Variants in PRTFDC1 observed in about 807,000 individuals in gnomAD.
PRTFDC1 encodes the protein phosphoribosyl transferase domain containing 1.
PRTFDC1 carries 38 observed loss-of-function variants against 34.6 expected under a neutral mutation model. The observed-to-expected ratio is 1.10, with a 90% CI of 0.85 to 1.44. PRTFDC1 has a LOEUF of 1.44. Ranked by LOEUF, PRTFDC1 falls within the 40% of genes most tolerant of loss-of-function variation. The pLI, the probability that PRTFDC1 is intolerant of heterozygous loss-of-function variation, is 0.00. For synonymous variants in PRTFDC1, 93 were observed against 98.1 expected (o/e 0.95, Z 0.31); for missense variants, 270 against 283.0 (o/e 0.95, Z 0.33).
chr10:24,869,108 G>T (rs1375153577), intron 4 of PRTFDC1, among the ~76,000 whole-genome samples: 1 of 152,076 alleles, frequency 6.6e-6, no homozygotes, highest in Non-Finnish European at 1.5e-5. Flanking sequence ...GCTCTACATT[G>T]CCATTGAATA....
chr10:24,926,169 C>G (rs1291542956), intron 3 of PRTFDC1, among the ~76,000 whole-genome samples: 1 of 152,144 alleles, frequency 6.6e-6, no homozygotes, highest in Non-Finnish European at 1.5e-5. Context: ...TCTTGGGAAC[C>G]CAGCTAACCC....
chr10:24,911,180 A>T (rs1297374479), intron 3 of PRTFDC1, among the ~76,000 whole-genome samples: 1 of 152,212 alleles, frequency 6.6e-6, no homozygotes, highest in Non-Finnish European at 1.5e-5. Flanking sequence ...TACAGTCATG[A>T]TGTAGAATAA....
At chr10:24,878,175 AGGT>A (rs951924458) in intron 3 of PRTFDC1, among the ~76,000 whole-genome samples, 2 of 151,908 alleles carry the variant, frequency 1.3e-5, no homozygotes, top group African/African-American at 4.8e-5. Context: ...CAGGAGGCTG[AGGT>A]GGGAGAATCG....
chr10:24,870,838 G>A (rs1034541643), intron 4 of PRTFDC1, among the ~76,000 whole-genome samples: 13 of 152,156 alleles, frequency 8.5e-5, no homozygotes, highest in African/African-American at 2.9e-4. Flanking sequence ...TTGGGCAGCC[G>A]AAACAGGTGG....
intron 1 of PRTFDC1, among the ~76,000 whole-genome samples, chr10:24,944,361 A>G (rs274299): frequency 0.46 from 69,958 of 151,900 alleles, 17,011 homozygotes; most frequent in African/African-American, 0.63. Context: ...CTCCACTGCT[A>G]TTCCCCCACC....
chr10:24,926,628 C>A (rs547739371), intron 3 of PRTFDC1, among the ~76,000 whole-genome samples: 37 of 152,358 alleles, frequency 2.4e-4, no homozygotes, highest in African/African-American at 8.7e-4. Context: ...GGATTACAGG[C>A]ATGAGCCACT....
chr10:24,946,405 A>G (rs182958083), intron 1 of PRTFDC1, among the ~76,000 whole-genome samples: 35 of 152,310 alleles, frequency 2.3e-4, no homozygotes, highest in African/African-American at 8.4e-4. Context: ...AAAAAAGGAA[A>G]CAGACTAAAA....
At chr10:24,949,436 AG>A (rs1233516810) in intron 1 of PRTFDC1, among the ~76,000 whole-genome samples, 1 of 152,150 alleles carries the variant, frequency 6.6e-6, no homozygotes, top group African/African-American at 2.4e-5. Flanking sequence ...CCCATCCTTG[AG>A]AGCTTTCTAT....
At chr10:24,921,524 T>A (rs1848787713) in intron 3 of PRTFDC1, among the ~76,000 whole-genome samples, 1 of 152,098 alleles carries the variant, frequency 6.6e-6, no homozygotes, top group Non-Finnish European at 1.5e-5. Context: ...TTAGCAAAAG[T>A]ACTGCTGACT....
intron 3 of PRTFDC1, among the ~76,000 whole-genome samples, chr10:24,890,636 C>G (rs751865161): frequency 6.6e-6 from 1 of 152,152 alleles, no homozygotes; most frequent in African/African-American, 2.4e-5. Context: ...GAAGAGGGAA[C>G]AGGAGGGAGG....
intron 2 of PRTFDC1, among the ~76,000 whole-genome samples, chr10:24,940,949 G>A (rs918604483): frequency 6.6e-6 from 1 of 152,112 alleles, no homozygotes; most frequent in Non-Finnish European, 1.5e-5. Context: ...TGGTGCTGAT[G>A]GTTGCCTGAC....
chr10:24,908,527 C>G, intron 3 of PRTFDC1: 1 of 1,612,674 alleles, frequency 6.2e-7, no homozygotes, highest in Non-Finnish European at 8.5e-7. Flanking sequence ...ATCTTGGTAA[C>G]TGAAACCGGA....
At chr10:24,865,698 A>T (rs1275527278) in intron 4 of PRTFDC1, among the ~76,000 whole-genome samples, 1 of 152,234 alleles carries the variant, frequency 6.6e-6, no homozygotes, top group Non-Finnish European at 1.5e-5. Context: ...TGATATTCTT[A>T]AATAGGTTAT....
chr10:24,849,717 T>A lies in PRTFDC1; in HGVS notation c.*127A>T. 1.3e-6 allele frequency: 1 copy of A among 795,008 alleles called. No homozygotes were observed. Among genetic ancestry groups the A allele is most frequent in the Non-Finnish European group, 2.1e-6 (1 of 478,174 alleles). The allele number at this position is 795,008 out of a possible 1,614,324, so 49.2% of individuals were successfully genotyped here. On this transcript the variant is annotated 3_prime_UTR_variant, in exon 9 of 9. Coordinates refer to ENST00000320152, the MANE Select transcript of PRTFDC1 (RefSeq NM_020200.7). ...CCTCAGAAAAGAAAGCTCTCTCATT[T>A]GAACATTTTTTTCTTTTATATCCTG... is the stretch of plus-strand genomic sequence containing the variant.
intron 3 of PRTFDC1, among the ~76,000 whole-genome samples, chr10:24,901,997 T>A (rs1010740368): frequency 6.6e-6 from 1 of 151,942 alleles, no homozygotes; most frequent in African/African-American, 2.4e-5. Flanking sequence ...TAAGGCGTGG[T>A]TGGTTGTTAG....
intron 3 of PRTFDC1, among the ~76,000 whole-genome samples, chr10:24,932,872 C>CAG (rs1467230144): frequency 6.6e-6 from 1 of 152,042 alleles, no homozygotes; most frequent in African/African-American, 2.4e-5. Flanking sequence ...ACTTAATTTA[C>CAG]AGAGTTATTA....
At chr10:24,937,451 C>A in intron 2 of PRTFDC1, 84 bp from the exon 3 acceptor site, 1 of 1,233,562 alleles carries the variant, frequency 8.1e-7, no homozygotes. Context: ...ATGTATTGTA[C>A]GTATTCGATT....
chr10:24,874,481 C>CA (rs1847928004), intron 3 of PRTFDC1, among the ~76,000 whole-genome samples: 2 of 152,118 alleles, frequency 1.3e-5, no homozygotes, highest in Admixed American at 1.3e-4. Flanking sequence ...TCAGTACTTC[C>CA]AGGGACTGGG....
At chr10:24,947,832 G>A (rs1027514682) in intron 1 of PRTFDC1, among the ~76,000 whole-genome samples, 1 of 151,938 alleles carries the variant, frequency 6.6e-6, no homozygotes, top group African/African-American at 2.4e-5. Flanking sequence ...AAGAATCCCA[G>A]ACAGGAATTC....
Sources: gnomAD v4.1 joint callset for allele counts (sites outside exome capture counted in the v4.1 genomes callset) on GRCh38, gnomAD v4.1.1 for gene constraint, MANE v1.5 for transcripts, NCBI Gene and HGNC (gene_info 2026-07-23, HGNC 2026-07-21) for gene names.